The following PHKA1 variants were observed in gnomAD, a reference collection of about 807,000 sequenced individuals.
PHKA1 encodes the protein phosphorylase b kinase regulatory subunit alpha, skeletal muscle isoform.
A neutral mutation model predicts 110.2 loss-of-function variants in PHKA1; 60 were observed. The observed-to-expected ratio is 0.54, with a 90% confidence interval of 0.44 to 0.68. The LOEUF (loss-of-function observed/expected upper bound fraction) is 0.68. Among genes scored for constraint, PHKA1 ranks in the 30% least tolerant of loss-of-function variants. The pLI is 0.00. For synonymous variants in PHKA1, 316 were observed against 333.6 expected, an observed-to-expected ratio of 0.95 and a Z score of 0.58; for missense variants, 801 against 942.5, an observed-to-expected ratio of 0.85 and a Z score of 1.97.
At chrX:72,637,695 C>T in intron 14 of PHKA1, among the ~76,000 whole-genome samples, 1 of 111,927 alleles carries the variant, frequency 8.9e-6, no homozygotes, top group African/African-American at 3.2e-5. Flanking sequence ...TTCATGTCTC[C>T]ACATCCTCAT....
At chrX:72,605,691 G>T in intron 23 of PHKA1, 72 bp from the exon 24 acceptor site, 2 of 798,942 alleles carry the variant, frequency 2.5e-6, no homozygotes, top group Non-Finnish European at 3.8e-6. Context: ...AAAAAATGAA[G>T]AAGCTTTATC....
intron 18 of PHKA1, chrX:72,621,889 A>C: frequency 1.3e-6 from 1 of 753,388 alleles, no homozygotes; most frequent in Non-Finnish European, 1.6e-6. Context: ...GGAACTAGGA[A>C]AGTGACTCAG....
chrX:72,621,001 A>G, intron 18 of PHKA1, 100 bp from the exon 19 acceptor site: 1 of 877,722 alleles, frequency 1.1e-6, no homozygotes, highest in Non-Finnish European at 1.6e-6. Context: ...TCCTGTGCTC[A>G]CAACACAGCA....
At chrX:72,610,923 C>A in intron 22 of PHKA1, 105 bp downstream of exon 22, 1 of 559,080 alleles carries the variant, frequency 1.8e-6, no homozygotes, top group Non-Finnish European at 3.0e-6. Context: ...GAAAAGACAT[C>A]TCAAATGGTT....
At chrX:72,651,611 A>G (rs1439979594) in intron 12 of PHKA1, among the ~76,000 whole-genome samples, 4 of 111,952 alleles carry the variant, frequency 3.6e-5, no homozygotes, top group African/African-American at 1.3e-4. Context: ...TATTCTTTTT[A>G]TCAATGCCTT....
chrX:72,598,857 C>T (rs1015800288), intron 28 of PHKA1, among the ~76,000 whole-genome samples: 2 of 110,450 alleles, frequency 1.8e-5, no homozygotes, highest in Admixed American at 1.9e-4. Context: ...GGCCAAATGC[C>T]TAAATCACCA....
chrX:72,612,806 C>G (rs2052832281), intron 21 of PHKA1, among the ~76,000 whole-genome samples: 1 of 111,874 alleles, frequency 8.9e-6, no homozygotes, highest in Admixed American at 9.5e-5. Flanking sequence ...CCCTTGAACC[C>G]AGGCATGCTT....
chrX:72,644,032 C>G (rs1299905846), intron 14 of PHKA1, among the ~76,000 whole-genome samples: 4 of 111,526 alleles, frequency 3.6e-5, no homozygotes, highest in Non-Finnish European at 7.5e-5. Context: ...CCTTGGCTAT[C>G]ATTCCATATA....
Position 72,674,902 on chromosome X carries a change from G to T in PHKA1, c.618+1168C>A, listed in dbSNP as rs147694920. ...TGTTCAGTGCACTATGAGATTGTTAGGCTGGGTGCAGTGGCTCATGCCTGT... is the reference window on the plus strand; with the variant it reads ...TGTTCAGTGCACTATGAGATTGTTATGCTGGGTGCAGTGGCTCATGCCTGT... On this transcript the variant is annotated intron_variant, in intron 6 of 31. Coordinates refer to ENST00000373542, the MANE Select transcript of PHKA1 (RefSeq NM_002637.4). Among the ~76,000 whole-genome samples, 420 of 111,220 alleles carry T rather than the reference G, an allele frequency of 3.8e-3. 1 individual carries two copies. Among genetic ancestry groups the T allele is most frequent in the African/African-American group, 0.013 (408 of 30,591 alleles).
intron 5 of PHKA1, among the ~76,000 whole-genome samples, chrX:72,676,466 C>A (rs2053781422): frequency 8.9e-6 from 1 of 111,786 alleles, no homozygotes; most frequent in Non-Finnish European, 1.9e-5. Context: ...AAAGCAAATA[C>A]CCAGTAGATC....
intron 28 of PHKA1, among the ~76,000 whole-genome samples, chrX:72,593,878 T>C (rs1204503778): frequency 8.9e-6 from 1 of 112,340 alleles, no homozygotes; most frequent in Non-Finnish European, 1.9e-5. Context: ...ATTATCTCTG[T>C]TAAACTTCTA....
chrX:72,621,248 G>A (rs1380704243), intron 18 of PHKA1, among the ~76,000 whole-genome samples: 1 of 111,699 alleles, frequency 9.0e-6, no homozygotes, highest in Non-Finnish European at 1.9e-5. Flanking sequence ...GGATGGAGGA[G>A]GAACAGAACA....
At chrX:72,696,288 A>G (rs1021245842) in intron 3 of PHKA1, among the ~76,000 whole-genome samples, 6 of 112,026 alleles carry the variant, frequency 5.4e-5, no homozygotes, top group African/African-American at 1.9e-4. Flanking sequence ...TTTCGAAGTA[A>G]ATTAGAATAA....
At position 72,672,014 on chromosome X, in the gene PHKA1, A is replaced by G. The variant is rs182729123; in HGVS notation, c.618+4056T>C. Among the ~76,000 whole-genome samples the G allele has an allele frequency of 3.7e-3, 418 of 112,279 alleles. 1 individual carries two copies. Among genetic ancestry groups the G allele is most frequent in the African/African-American group, 0.013 (407 of 30,900 alleles). ...AGAAAACCTAGGCAATACCATTCAGAACAGAAGCTGTTTTATATATCCTTT... is the reference window on the plus strand; with the variant it reads ...AGAAAACCTAGGCAATACCATTCAGGACAGAAGCTGTTTTATATATCCTTT... On this transcript the variant is annotated intron_variant, in intron 6 of 31. Coordinates refer to ENST00000373542, the MANE Select transcript of PHKA1 (RefSeq NM_002637.4).
intron 20 of PHKA1, 85 bp from the exon 21 acceptor site, chrX:72,618,934 T>C (rs782379670): frequency 6.7e-6 from 6 of 894,365 alleles, no homozygotes; most frequent in Non-Finnish European, 9.8e-6. Flanking sequence ...TATTTTCACC[T>C]CTAAACCTTT....
At chrX:72,628,001 T>G (rs1341767025) in intron 16 of PHKA1, among the ~76,000 whole-genome samples, 1 of 108,781 alleles carries the variant, frequency 9.2e-6, no homozygotes, top group East Asian at 2.9e-4. Flanking sequence ...GTATTTTTTT[T>G]GTTTTTTTTA....
At chrX:72,684,247 A>T (rs1448011382) in intron 5 of PHKA1, among the ~76,000 whole-genome samples, 1 of 111,756 alleles carries the variant, frequency 8.9e-6, no homozygotes, top group Non-Finnish European at 1.9e-5. Context: ...CCAAATACAT[A>T]CCATGAGATA....
chrX:72,693,823 G>A (rs181292494), intron 4 of PHKA1, among the ~76,000 whole-genome samples: 16 of 111,241 alleles, frequency 1.4e-4, no homozygotes, highest in Admixed American at 3.8e-4. Context: ...GGTTGTACCC[G>A]CCTTGAATAT....
Position 72,602,160 on chromosome X carries a change from G to T in PHKA1, c.3031C>A (p.Gln1011Lys). Residue 1011 changes from glutamine to lysine, a missense_variant and splice_region_variant, in exon 27 of 32, where the codon CAG (glutamine) becomes AAG (lysine). By Grantham distance (53) the Gln-to-Lys change is moderately conservative. Around this residue, in one of 2 missense-constraint regions of PHKA1, gnomAD observed 502 missense variants for 519.2 expected, o/e 0.97. Transcript: ENST00000373542. ...GIMQLKSEIK[Q>K]VEFRRLSISA... ...TAATCTCCCAGGTAGTATCTTACCT[G>T]CTTTATCTCACTTTTTAACTGCATG... 1 of 1,177,764 alleles carries T rather than the reference G, an allele frequency of 8.5e-7. No individual in the cohort carries two copies. Among genetic ancestry groups the T allele is most frequent in the Non-Finnish European group, 1.2e-6 (1 of 865,140 alleles).
Sources: allele counts gnomAD v4.1 joint callset (sites outside exome capture counted in the v4.1 genomes callset), GRCh38; gene constraint gnomAD v4.1.1; regional missense constraint gnomAD v4.1.1; transcripts MANE v1.5; gene names NCBI Gene and HGNC (gene_info 2026-07-23, HGNC 2026-07-21).